Variants in SLCO1A2 observed in about 807,000 individuals in gnomAD.
The protein encoded by SLCO1A2 is OATP-1.
Under a neutral mutation model 69.0 loss-of-function variants are expected in SLCO1A2, and 67 were observed. The observed-to-expected ratio is 0.97, with a 90% CI of 0.80 to 1.19. SLCO1A2 has a LOEUF of 1.19. Among genes scored for constraint, SLCO1A2 ranks in the 50% most tolerant of loss-of-function variants. The pLI, the probability that SLCO1A2 is intolerant of heterozygous loss-of-function variation, is 0.00. For synonymous variants in SLCO1A2, 260 were observed against 265.9 expected, an observed-to-expected ratio of 0.98 and a Z score of 0.22; for missense variants, 787 against 793.7, an observed-to-expected ratio of 0.99 and a Z score of 0.10.
intron 4 of SLCO1A2, among the ~76,000 whole-genome samples, chr12:21,311,265 C>T (rs909946701): frequency 6.6e-6 from 1 of 152,122 alleles, no homozygotes; most frequent in African/African-American, 2.4e-5. Context: ...TCTTGAACCC[C>T]TCAGGGTTAT....
intron 1 of SLCO1A2, among the ~76,000 whole-genome samples, chr12:21,385,953 C>T (rs2137138097): frequency 6.6e-6 from 1 of 152,242 alleles, no homozygotes; most frequent in East Asian, 1.9e-4. Context: ...AGAACCAAGC[C>T]CTTGGAGTAC....
At chr12:21,295,813 T>G in intron 9 of SLCO1A2, 21 bp from the exon 10 acceptor site, 1 of 1,319,492 alleles carries the variant, frequency 7.6e-7, no homozygotes, top group Non-Finnish European at 1.1e-6. Flanking sequence ...AAATAAAATA[T>G]TATTTACAAA....
At chr12:21,302,669 G>A (rs1171533445) in intron 6 of SLCO1A2, among the ~76,000 whole-genome samples, 3 of 151,756 alleles carry the variant, frequency 2.0e-5, no homozygotes, top group Non-Finnish European at 4.4e-5. Flanking sequence ...TGATTCTCCT[G>A]TCTCAGCCTA....
At chr12:21,389,037 C>T (rs1019792217) in intron 1 of SLCO1A2, among the ~76,000 whole-genome samples, 4 of 152,164 alleles carry the variant, frequency 2.6e-5, no homozygotes, top group African/African-American at 9.7e-5. Flanking sequence ...TTTAAAATCT[C>T]ACACATCTGT....
Position 21,300,476 on chromosome 12 carries a change from A to T in SLCO1A2, c.782T>A (p.Ile261Asn). The part of the protein sequence containing the change: ...ICAGVNVLTA[I>N]PFFFLPNTLP... Reference sequence around the variant, plus strand: ...TGTGTTGGGCAAAAAGAAAAAAGGAATGGCAGTGAGCACGTTAACTCCTGC... The same window carrying T: ...TGTGTTGGGCAAAAAGAAAAAAGGATTGGCAGTGAGCACGTTAACTCCTGC... The change falls in exon 8 of 15, where the codon ATT becomes AAT. Residue 261 changes from isoleucine (I) to asparagine (N), a missense_variant. Coordinates refer to ENST00000683939, the MANE Select transcript of SLCO1A2 (RefSeq NM_001386879.1). 6.2e-7 allele frequency: 1 copy of T among 1,613,606 alleles called. No individual in the cohort carries two copies.
chr12:21,302,779 A>G (rs1430947172), intron 6 of SLCO1A2, among the ~76,000 whole-genome samples: 2 of 151,168 alleles, frequency 1.3e-5, no homozygotes, highest in African/African-American at 4.9e-5. Flanking sequence ...CTGGTCTCGA[A>G]CTCCTGAACT....
upstream of SLCO1A2, among the ~76,000 whole-genome samples, chr12:21,336,327 G>C (rs1319407411): frequency 6.6e-6 from 1 of 151,958 alleles, no homozygotes; most frequent in Non-Finnish European, 1.5e-5. Flanking sequence ...GCTGGAGGTA[G>C]TGCCACAGAA....
chr12:21,394,366 T>TACACACAC (rs71043268), intron 1 of SLCO1A2, among the ~76,000 whole-genome samples: 5 of 147,504 alleles, frequency 3.4e-5, no homozygotes, highest in Admixed American at 6.8e-5. Context: ...ACCACATCTT[T>TACACACAC]ACACACACAC....
intron 1 of SLCO1A2, among the ~76,000 whole-genome samples, chr12:21,391,454 C>A (rs1385934314): frequency 6.6e-6 from 1 of 151,962 alleles, no homozygotes; most frequent in African/African-American, 2.4e-5. Context: ...AGAAGAGTTG[C>A]AGGAAGGAAA....
chr12:21,370,090 T>C (rs376398937), intron 2 of SLCO1A2, among the ~76,000 whole-genome samples: 1 of 152,182 alleles, frequency 6.6e-6, no homozygotes, highest in South Asian at 2.1e-4. Context: ...TAGATCATTT[T>C]TAACAAAAAA....
intron 1 of SLCO1A2, among the ~76,000 whole-genome samples, chr12:21,411,385 C>A (rs1941904361): frequency 6.6e-6 from 1 of 152,130 alleles, no homozygotes; most frequent in African/African-American, 2.4e-5. Flanking sequence ...CCTCCTTGAT[C>A]TCTCATGCGA....
upstream of SLCO1A2, among the ~76,000 whole-genome samples, chr12:21,398,372 G>T (rs1330626108): frequency 8.5e-6 from 1 of 117,770 alleles, no homozygotes; most frequent in Admixed American, 8.6e-5. Context: ...TGAAATTGTG[G>T]CAATAATCAA....
intron 10 of SLCO1A2, 73 bp downstream of exon 10, chr12:21,295,524 G>T: frequency 2.2e-6 from 2 of 897,098 alleles, no homozygotes; most frequent in Non-Finnish European, 3.6e-6. Flanking sequence ...ATCTGATCGT[G>T]CATTGCCATT....
At chr12:21,302,423 G>T (rs1015839906) in intron 6 of SLCO1A2, among the ~76,000 whole-genome samples, 2 of 151,800 alleles carry the variant, frequency 1.3e-5, no homozygotes, top group Admixed American at 1.3e-4. Context: ...TTCCTTCTTT[G>T]ATTTTCCTTT....
chr12:21,291,765 T>C (rs1164722724), intron 12 of SLCO1A2, among the ~76,000 whole-genome samples: 4 of 152,080 alleles, frequency 2.6e-5, no homozygotes, highest in Non-Finnish European at 5.9e-5. Flanking sequence ...CTTAGCGAGA[T>C]GGGGGCTTCT....
At chr12:21,344,749 A>G (rs761077677) in intron 2 of SLCO1A2, among the ~76,000 whole-genome samples, 1 of 152,088 alleles carries the variant, frequency 6.6e-6, no homozygotes, top group Non-Finnish European at 1.5e-5. Flanking sequence ...TTAACAATGC[A>G]TTTGATTCAT....
Position 21,269,145 on chromosome 12 carries a change from A to T in SLCO1A2, c.*403T>A. ...AATATTTAAATCTTCACATAACAGA[A>T]TGAGAATTTAGGCATCTGAATAATT... is the stretch of plus-strand genomic sequence containing the variant. On this transcript the variant is annotated 3_prime_UTR_variant, in exon 15 of 15. Transcript: ENST00000683939. 1 of 154,990 alleles carries T rather than the reference A, an allele frequency of 6.5e-6. No homozygotes were observed. The highest frequency in any genetic ancestry group is 1.9e-4 in the East Asian group (1 of 5,258). The allele number at this position is 154,990 out of a possible 1,614,324, so 9.6% of individuals were successfully genotyped here.
intron 12 of SLCO1A2, among the ~76,000 whole-genome samples, chr12:21,286,122 C>A (rs1300036547): frequency 2.0e-5 from 3 of 148,932 alleles, no homozygotes; most frequent in African/African-American, 7.5e-5. Flanking sequence ...ATTGTCTCAG[C>A]CCAAAATCTC....
At chr12:21,332,620 C>A (rs112749642) in intron 2 of SLCO1A2, among the ~76,000 whole-genome samples, 1 of 151,982 alleles carries the variant, frequency 6.6e-6, no homozygotes, top group Non-Finnish European at 1.5e-5. Context: ...GTGCTGGGAG[C>A]AGGGGGTGGG....
Sources: gnomAD v4.1 joint callset for allele counts (sites outside exome capture counted in the v4.1 genomes callset) on GRCh38, gnomAD v4.1.1 for gene constraint, MANE v1.5 for transcripts, NCBI Gene and HGNC (gene_info 2026-07-23, HGNC 2026-07-21) for gene names.